Variants in GRID1 observed in about 807,000 individuals in gnomAD.
GRID1 encodes glutamate receptor ionotropic, delta-1.
A neutral mutation model predicts 98.0 loss-of-function variants in GRID1; 28 were observed. The observed-to-expected ratio is 0.29, with a 90% CI of 0.21 to 0.39. The LOEUF is 0.39. GRID1 is among the 10% of genes least tolerant of loss of function. The pLI is 1.00. For synonymous variants in GRID1, 553 were observed against 538.5 expected (o/e 1.03, Z -0.37); for missense variants, 1,111 against 1,340.5 (o/e 0.83, Z 2.67).
chr10:86,187,493 C>T (rs193196964), intron 3 of GRID1, among the ~76,000 whole-genome samples: 4 of 152,224 alleles, frequency 2.6e-5, no homozygotes, highest in Admixed American at 6.5e-5. Flanking sequence ...TTACACTATC[C>T]TCCCAGGGTT....
chr10:86,241,743 A>C (rs1846639824), intron 2 of GRID1, among the ~76,000 whole-genome samples: 1 of 152,152 alleles, frequency 6.6e-6, no homozygotes, highest in South Asian at 2.1e-4. Flanking sequence ...GCAAGTTCCT[A>C]CTCAAAGTCC....
chr10:86,296,546 C>T (rs1847591765), intron 2 of GRID1, among the ~76,000 whole-genome samples: 1 of 152,122 alleles, frequency 6.6e-6, no homozygotes, highest in Admixed American at 6.5e-5. Flanking sequence ...CAAGACCAGC[C>T]TGGCCAACAT....
chr10:86,163,215 C>A (rs1845347069), intron 3 of GRID1, among the ~76,000 whole-genome samples: 2 of 152,114 alleles, frequency 1.3e-5, no homozygotes, highest in African/African-American at 4.8e-5. Flanking sequence ...AGCAGCACAG[C>A]CTGGCCTGGC....
chr10:85,858,018 C>T (rs539396231), intron 6 of GRID1, among the ~76,000 whole-genome samples: 1 of 152,354 alleles, frequency 6.6e-6, no homozygotes, highest in East Asian at 1.9e-4. Context: ...GCATCACAAA[C>T]ATCTGCCCCG....
chr10:85,618,841 T>C (rs1842822711), intron 14 of GRID1, among the ~76,000 whole-genome samples: 1 of 152,226 alleles, frequency 6.6e-6, no homozygotes, highest in Non-Finnish European at 1.5e-5. Flanking sequence ...TGCCAGCAGC[T>C]GGCTCAGCAA....
intron 4 of GRID1, among the ~76,000 whole-genome samples, chr10:86,053,849 CAT>C (rs1843537366): frequency 6.6e-6 from 1 of 152,190 alleles, no homozygotes; most frequent in African/African-American, 2.4e-5. Flanking sequence ...CACACATGCT[CAT>C]ATGTGTGCAT....
At chr10:85,905,442 T>C (rs1841446604) in intron 5 of GRID1, among the ~76,000 whole-genome samples, 1 of 151,898 alleles carries the variant, frequency 6.6e-6, no homozygotes, top group Non-Finnish European at 1.5e-5. Flanking sequence ...GCACCAAAAA[T>C]ATAAATAGCA....
At chr10:86,213,564 C>T (rs186915285) in intron 2 of GRID1, among the ~76,000 whole-genome samples, 316 of 152,190 alleles carry the variant, frequency 2.1e-3, no homozygotes, top group African/African-American at 7.0e-3. Context: ...TCCTGAGCTC[C>T]GAAGCCTCCC....
At position 86,285,976 on chromosome 10, in the gene GRID1, G is replaced by A. The variant is rs148534530; in HGVS notation, c.235+77965C>T. Among the ~76,000 whole-genome samples the A allele has an allele frequency of 9.2e-5, 14 of 152,274 alleles. No homozygotes were observed. The East Asian group carries it at 1.7e-3, about 19-fold the overall frequency. ...AAGCAAGAACTTATTGTAGATGTGG[G>A]TTTAGGTCTAGAAATTGGTATAAGT... On this transcript the variant is annotated intron_variant, in intron 2 of 15. Transcript: ENST00000327946.
intron 4 of GRID1, among the ~76,000 whole-genome samples, chr10:86,015,710 G>T (rs938930523): frequency 5.3e-5 from 8 of 152,142 alleles, no homozygotes; most frequent in Non-Finnish European, 1.2e-4. Flanking sequence ...TTGTTCTCTG[G>T]ACTTCCCATT....
At chr10:86,057,488 A>C (rs554544834) in intron 4 of GRID1, among the ~76,000 whole-genome samples, 1 of 152,276 alleles carries the variant, frequency 6.6e-6, no homozygotes, top group African/African-American at 2.4e-5. Flanking sequence ...TTAAATAAAG[A>C]TGATAACCTT....
At chr10:85,968,078 A>G (rs1223621166) in intron 4 of GRID1, among the ~76,000 whole-genome samples, 1 of 152,248 alleles carries the variant, frequency 6.6e-6, no homozygotes, top group Non-Finnish European at 1.5e-5. Context: ...CAAAATAAAG[A>G]GCACTGATAA....
At chr10:85,868,073 C>T (rs1843238718) in intron 6 of GRID1, among the ~76,000 whole-genome samples, 1 of 152,202 alleles carries the variant, frequency 6.6e-6, no homozygotes. Context: ...ACAGCCGTCT[C>T]TGTTCTGCAA....
intron 4 of GRID1, among the ~76,000 whole-genome samples, chr10:85,956,047 C>G (rs904043430): frequency 4.6e-5 from 7 of 152,228 alleles, no homozygotes; most frequent in Non-Finnish European, 4.4e-5. Context: ...AGTGGATGGC[C>G]ATAGTCCTGA....
rs1564723093 is a variant in GRID1, at chr10:86,264,190, A to G, written c.236-57542T>C. Among the ~76,000 whole-genome samples the G allele has an allele frequency of 2.0e-5, 3 of 152,092 alleles. No homozygotes were observed. The East Asian group carries it at 5.8e-4, about 29-fold the overall frequency. ...CACCCCACGCTGGAGCTAAGAGCCC[A>G]GCCCCACCAACAGGTGAGACCCATG... On this transcript the variant is annotated intron_variant, in intron 2 of 15. Coordinates refer to ENST00000327946, the MANE Select transcript of GRID1 (RefSeq NM_017551.3).
intron 4 of GRID1, among the ~76,000 whole-genome samples, chr10:85,930,003 T>C (rs1841826754): frequency 6.6e-6 from 1 of 152,218 alleles, no homozygotes; most frequent in Non-Finnish European, 1.5e-5. Flanking sequence ...ATCAAATGTA[T>C]TGACTCCATT....
intron 13 of GRID1, among the ~76,000 whole-genome samples, chr10:85,634,103 G>A (rs1190357748): frequency 3.3e-5 from 5 of 151,896 alleles, no homozygotes; most frequent in African/African-American, 7.3e-5. Flanking sequence ...CCCAGGAGGC[G>A]GAGGTGGCGG....
chr10:86,110,662 C>T (rs1303521512), intron 4 of GRID1, among the ~76,000 whole-genome samples: 3 of 152,206 alleles, frequency 2.0e-5, no homozygotes, highest in Non-Finnish European at 4.4e-5. Context: ...TTCTTCCCCT[C>T]TTTCCCAGCT....
intron 12 of GRID1, among the ~76,000 whole-genome samples, chr10:85,711,393 T>A (rs1841580470): frequency 6.6e-6 from 1 of 151,952 alleles, no homozygotes; most frequent in African/African-American, 2.4e-5. Context: ...ACAATTGCCA[T>A]ATAATGCTAT....
Sources: gnomAD v4.1 joint callset for allele counts (sites outside exome capture counted in the v4.1 genomes callset) on GRCh38, gnomAD v4.1.1 for gene constraint, MANE v1.5 for transcripts, NCBI Gene and HGNC (gene_info 2026-07-23, HGNC 2026-07-21) for gene names.